Variants in MPDZ observed in about 807,000 individuals in gnomAD.
MPDZ encodes the protein multiple PDZ domain protein.
A neutral mutation model predicts 239.1 loss-of-function variants in MPDZ; 234 were observed. The ratio of observed to expected loss-of-function variants is 0.98; its 90% CI spans 0.88 to 1.09. The LOEUF (loss-of-function observed/expected upper bound fraction) is 1.09, where lower values mean the gene tolerates loss of function less well. Among genes scored for constraint, MPDZ ranks in the 50% least tolerant of loss-of-function variants. The probability of loss-of-function intolerance (pLI) is 0.00; values close to 1 mark genes in which losing one functional copy is unlikely to be tolerated. For missense variants in MPDZ, 3,175 were observed against 2,510.0 expected, an observed-to-expected ratio of 1.26 and a Z score of -5.66; for synonymous variants, 1,048 against 881.3, an observed-to-expected ratio of 1.19 and a Z score of -3.35.
intron 42 of MPDZ, among the ~76,000 whole-genome samples, chr9:13,112,670 T>C (rs1942691272): frequency 6.6e-6 from 1 of 152,204 alleles, no homozygotes; most frequent in African/African-American, 2.4e-5. Context: ...TTACTTTGTC[T>C]CTTGTGCATG....
rs1253849504 is a variant in MPDZ, at chr9:13,206,192, G to C, written c.1291-93C>G. The C allele has an allele frequency of 1.8e-5, 22 of 1,197,462 alleles. No individual in the cohort carries two copies. The East Asian group carries it at 5.7e-4, about 31-fold the overall frequency. The allele number at this position is 1,197,462 out of a possible 1,614,324, so 74.2% of individuals were successfully genotyped here. On this transcript the variant is annotated intron_variant, in intron 10 of 46. Coordinates refer to ENST00000319217, the MANE Select transcript of MPDZ (RefSeq NM_001378778.1). ...AAAATGTGTATGTATAGTTGTTAGT[G>C]TGAAAAGAATGGAGAATAAGTATTC...
At chr9:13,223,345 C>CT (rs892874143) in intron 5 of MPDZ, among the ~76,000 whole-genome samples, 4 of 151,966 alleles carry the variant, frequency 2.6e-5, no homozygotes, top group African/African-American at 9.7e-5. Context: ...TCAAATTTTT[C>CT]TTTCCTTACC....
chr9:13,111,234 T>C (rs951583380), intron 43 of MPDZ, among the ~76,000 whole-genome samples: 6 of 152,216 alleles, frequency 3.9e-5, no homozygotes, highest in African/African-American at 1.4e-4. Flanking sequence ...AGTTGAGTAG[T>C]TGCAACAGAG....
intron 5 of MPDZ, among the ~76,000 whole-genome samples, chr9:13,222,856 ATAGAT>A (rs1564070167): frequency 4.7e-5 from 7 of 149,692 alleles, no homozygotes; most frequent in Non-Finnish European, 1.0e-4. Context: ...GATCACATCC[ATAGAT>A]TAGATCCCCA....
chr9:13,198,050 T>A (rs1024689783), intron 12 of MPDZ, among the ~76,000 whole-genome samples: 1 of 152,128 alleles, frequency 6.6e-6, no homozygotes, highest in African/African-American at 2.4e-5. Flanking sequence ...AGAACAGCAA[T>A]GAACATAGGG....
chr9:13,224,661 G>A (rs950416582), intron 3 of MPDZ, 78 bp from the exon 4 acceptor site: 78 of 964,848 alleles, frequency 8.1e-5, no homozygotes, highest in Non-Finnish European at 1.1e-4. Context: ...AGGGTACAAG[G>A]ACATACAAAT....
intron 1 of MPDZ, among the ~76,000 whole-genome samples, chr9:13,268,326 G>A (rs947444862): frequency 6.6e-6 from 1 of 151,824 alleles, no homozygotes; most frequent in Non-Finnish European, 1.5e-5. Flanking sequence ...TTAGCATGAA[G>A]GTACTTGCAT....
In MPDZ at chr9:13,107,818, T is replaced by A. The variant is rs1941738288; in HGVS notation, c.6067-707A>T. On this transcript the variant is annotated intron_variant, in intron 46 of 46. Transcript: ENST00000319217. ...TAGAAGACAATTATGCAATTAAATA[T>A]AAAATTAAAAATATGGAAAAGTTAA... Among the ~76,000 whole-genome samples, 5 of 152,108 alleles carry A rather than the reference T, an allele frequency of 3.3e-5. No individual in the cohort carries two copies. The South Asian group carries it at 1.0e-3, about 31-fold the overall frequency.
chr9:13,128,552 G>A (rs770227281), intron 32 of MPDZ, among the ~76,000 whole-genome samples: 1 of 152,218 alleles, frequency 6.6e-6, no homozygotes, highest in Admixed American at 6.5e-5. Flanking sequence ...CTAACCCATA[G>A]AAACTGTGAG....
Position 13,205,972 on chromosome 9 carries a change from C to T in MPDZ, c.1418G>A (p.Arg473Lys). 1.9e-6 allele frequency: 3 copies of T among 1,610,760 alleles called. No individual in the cohort carries two copies. The highest frequency in any genetic ancestry group is 2.2e-5 in the South Asian group (2 of 90,034). ...ATCTGCATCTTTTGTGACGTCTTCC[C>T]TTGACATGAGCTCGGCTTCCTGCTT... Reference protein sequence around the residue: ...GMKQEAELMSREDVTKDADLS... With the variant: ...GMKQEAELMSKEDVTKDADLS... Residue 473 changes from arginine to lysine, a missense_variant, in exon 11 of 47, where the codon AGG (arginine) becomes AAG (lysine). Coordinates refer to ENST00000319217, the MANE Select transcript of MPDZ (RefSeq NM_001378778.1).
intron 17 of MPDZ, among the ~76,000 whole-genome samples, chr9:13,187,888 T>G (rs2134780370): frequency 6.6e-6 from 1 of 152,308 alleles, no homozygotes; most frequent in Middle Eastern, 3.4e-3. Context: ...TACTGCTTTA[T>G]GTAGCACGGA....
chr9:13,210,391 T>G (rs961049089), intron 10 of MPDZ, among the ~76,000 whole-genome samples: 2 of 151,186 alleles, frequency 1.3e-5, no homozygotes, highest in Non-Finnish European at 2.9e-5. Flanking sequence ...GAACTAAGTG[T>G]TGTTAAATGT....
intron 1 of MPDZ, among the ~76,000 whole-genome samples, chr9:13,255,650 C>A (rs888447913): frequency 6.6e-6 from 1 of 152,156 alleles, no homozygotes; most frequent in Non-Finnish European, 1.5e-5. Flanking sequence ...GATGCCTTGT[C>A]AATGAGCAGT....
intron 21 of MPDZ, among the ~76,000 whole-genome samples, chr9:13,173,377 G>C (rs538973419): frequency 2.6e-5 from 4 of 152,140 alleles, no homozygotes; most frequent in Non-Finnish European, 5.9e-5. Flanking sequence ...GAAATGCTTT[G>C]ACAAAATTCA....
chr9:13,205,833 G>T, intron 11 of MPDZ, 83 bp downstream of exon 11: 1 of 1,255,720 alleles, frequency 8.0e-7, no homozygotes, highest in Non-Finnish European at 1.1e-6. Context: ...GAACCATTCT[G>T]AAATAGTAAG....
At chr9:13,198,783 G>GTGTGTGTGTGTGTGTGTGTGTGTA (rs1956015305) in intron 12 of MPDZ, among the ~76,000 whole-genome samples, 1 of 149,766 alleles carries the variant, frequency 6.7e-6, no homozygotes, top group Non-Finnish European at 1.5e-5. Context: ...GTGTGTGTGT[G>GTGTGTGTGTGTGTGTGTGTGTGTA]TTTTAGGACA....
At chr9:13,236,603 C>T (rs984189217) in intron 3 of MPDZ, among the ~76,000 whole-genome samples, 2 of 151,494 alleles carry the variant, frequency 1.3e-5, no homozygotes, top group South Asian at 4.2e-4. Flanking sequence ...TTTATAAACT[C>T]GTTTTCTTCT....
Position 13,224,466 on chromosome 9 carries a change from T to G in MPDZ, c.301A>C (p.Asn101His). ...CCAGGTCCTGTAAGTGCTTCCAGAT[T>G]CCCATTGTTTGGGGATAATAAAAAC... ...ESFLLSPNNG[N>H]LEALTGPGIP... The change falls in exon 4 of 47, where the codon AAT (asparagine) becomes CAT (histidine). Residue 101 changes from asparagine (N) to histidine (H), a missense_variant. Physicochemically the swap from Asn to His is moderately conservative, Grantham distance 68. Transcript: ENST00000319217. 2 of 1,612,982 alleles carry G rather than the reference T, an allele frequency of 1.2e-6. No individual in the cohort carries two copies. The highest frequency in any genetic ancestry group is 1.7e-6 in the Non-Finnish European group (2 of 1,179,302).
intron 3 of MPDZ, among the ~76,000 whole-genome samples, chr9:13,233,631 T>C (rs898912652): frequency 3.3e-5 from 5 of 152,148 alleles, no homozygotes; most frequent in Non-Finnish European, 5.9e-5. Context: ...TTCCCTTTAA[T>C]GTATGTTATT....
Sources: gnomAD v4.1 joint callset for allele counts (sites outside exome capture counted in the v4.1 genomes callset) on GRCh38, gnomAD v4.1.1 for gene constraint, MANE v1.5 for transcripts, NCBI Gene and HGNC (gene_info 2026-07-23, HGNC 2026-07-21) for gene names.